The following MAGI2 variants were observed in gnomAD, a reference collection of about 807,000 sequenced individuals.
The protein encoded by MAGI2 is membrane associated guanylate kinase, WW and PDZ domain containing 2, also known as membrane-associated guanylate kinase, WW and PDZ domain-containing protein 2.
MAGI2 carries 35 observed loss-of-function variants against 133.3 expected under a neutral mutation model. The ratio of observed to expected loss-of-function variants is 0.26; its 90% CI spans 0.20 to 0.35. The LOEUF is 0.35. Ranked by LOEUF, MAGI2 falls within the 10% of genes least tolerant of loss-of-function variation. MAGI2 has a pLI of 1.00. For synonymous variants in MAGI2, 729 were observed against 710.6 expected (o/e 1.03, Z -0.41); for missense variants, 1,636 against 1,863.4 (o/e 0.88, Z 2.25).
At chr7:78,118,164 C>T (rs1027066059) in intron 20 of MAGI2, among the ~76,000 whole-genome samples, 3 of 152,064 alleles carry the variant, frequency 2.0e-5, no homozygotes, top group African/African-American at 7.2e-5. Context: ...AAAAATGAGT[C>T]GAGACACAGA....
At chr7:78,548,095 G>A (rs188387127) in intron 3 of MAGI2, among the ~76,000 whole-genome samples, 1 of 150,738 alleles carries the variant, frequency 6.6e-6, no homozygotes, top group Admixed American at 6.6e-5. Context: ...TGCCTTCAGA[G>A]TTAGAAAGAG....
In MAGI2 at chr7:78,127,315, G is replaced by A; in HGVS notation, c.3305C>T (p.Pro1102Leu). Residue 1102 changes from proline to leucine, a missense_variant, in exon 19 of 22, where the codon CCA (proline) becomes CTA (leucine). Coordinates refer to ENST00000354212, the MANE Select transcript of MAGI2 (RefSeq NM_012301.4). Reference protein sequence around the residue: ...RQPPLDYRQPPGGDYQQPPPL... With the variant: ...RQPPLDYRQPLGGDYQQPPPL... ...TGGGGGCTGCTGGTAGTCCCCTCCT[G>A]GGGGTTGCCTGTAATCCAGCGGGGG... 4 of 1,611,778 alleles carry A rather than the reference G, an allele frequency of 2.5e-6. No individual in the cohort carries two copies. Among genetic ancestry groups the A allele is most frequent in the Non-Finnish European group, 3.4e-6 (4 of 1,179,412 alleles).
intron 18 of MAGI2, among the ~76,000 whole-genome samples, chr7:78,132,171 G>A (rs1304174742): frequency 6.6e-6 from 1 of 152,174 alleles, no homozygotes; most frequent in Admixed American, 6.5e-5. Flanking sequence ...CACCACACTG[G>A]CTGCTAATAT....
At chr7:79,380,766 G>T (rs1843719553) in intron 1 of MAGI2, among the ~76,000 whole-genome samples, 1 of 151,730 alleles carries the variant, frequency 6.6e-6, no homozygotes, top group Non-Finnish European at 1.5e-5. Context: ...GCAGAACTCA[G>T]AAACTCAGAT....
intron 1 of MAGI2, among the ~76,000 whole-genome samples, chr7:79,106,581 T>C (rs1818470656): frequency 6.6e-6 from 1 of 152,150 alleles, no homozygotes; most frequent in South Asian, 2.1e-4. Context: ...TGGAAACAAT[T>C]CCTACTAAGA....
intron 1 of MAGI2, among the ~76,000 whole-genome samples, chr7:79,138,422 T>A (rs1023757944): frequency 6.6e-6 from 1 of 152,208 alleles, no homozygotes; most frequent in Non-Finnish European, 1.5e-5. Context: ...TAAGTCCAAG[T>A]AAAATTGAGA....
intron 1 of MAGI2, among the ~76,000 whole-genome samples, chr7:79,181,744 T>A (rs1562969227): frequency 6.6e-6 from 1 of 152,006 alleles, no homozygotes; most frequent in Non-Finnish European, 1.5e-5. Flanking sequence ...TTCCAAACTT[T>A]ATGTCCTGTT....
Position 78,282,425 on chromosome 7 carries a change from G to A in MAGI2, c.1409-25844C>T, listed in dbSNP as rs147533888. Among the ~76,000 whole-genome samples, 29 of 152,218 alleles carry A rather than the reference G, an allele frequency of 1.9e-4. 1 individual carries two copies. Among genetic ancestry groups the A allele is most frequent in the East Asian group, 1.7e-3 (9 of 5,188 alleles). On this transcript the variant is annotated intron_variant, in intron 9 of 21. Coordinates refer to ENST00000354212, the MANE Select transcript of MAGI2 (RefSeq NM_012301.4). The stretch of plus-strand genomic sequence containing the variant: ...ATAAAGTTTTATTGGGACAGCCAAC[G>A]TCATGTTTTTACATATTGCCTGTGA...
At chr7:78,531,912 T>G (rs1489058608) in intron 3 of MAGI2, among the ~76,000 whole-genome samples, 1 of 152,200 alleles carries the variant, frequency 6.6e-6, no homozygotes, top group African/African-American at 2.4e-5. Flanking sequence ...TAAAGGAATT[T>G]GCCAAATATC....
At chr7:78,275,430 C>G (rs1202477764) in intron 9 of MAGI2, among the ~76,000 whole-genome samples, 1 of 152,212 alleles carries the variant, frequency 6.6e-6, no homozygotes, top group East Asian at 1.9e-4. Flanking sequence ...CTTGACATAA[C>G]AGTCTTGTTT....
At position 78,747,641 on chromosome 7, in the gene MAGI2, A is replaced by T. The variant is rs1823051459; in HGVS notation, c.419-120402T>A. Among the ~76,000 whole-genome samples, 3 of 152,296 alleles carry T rather than the reference A, an allele frequency of 2.0e-5. No individual in the cohort carries two copies. The South Asian group carries it at 6.2e-4, about 32-fold the overall frequency. ...AGGGAGAGTAGTCCACTCTCCTAGGAGCTGCTCAACTAACGCAGAATCTCT... is the reference window on the plus strand; with the variant it reads ...AGGGAGAGTAGTCCACTCTCCTAGGTGCTGCTCAACTAACGCAGAATCTCT... On this transcript the variant is annotated intron_variant, in intron 2 of 21. Coordinates refer to ENST00000354212, the MANE Select transcript of MAGI2 (RefSeq NM_012301.4).
chr7:79,424,360 T>C (rs10248625), intron 1 of MAGI2, among the ~76,000 whole-genome samples: 37,312 of 151,804 alleles, frequency 0.25, 6,644 homozygotes, highest in African/African-American at 0.5. Context: ...TCTAAAAAAG[T>C]TATTTTCATA....
At chr7:78,750,712 A>C (rs1476906300) in intron 2 of MAGI2, among the ~76,000 whole-genome samples, 2 of 152,108 alleles carry the variant, frequency 1.3e-5, no homozygotes, top group Non-Finnish European at 2.9e-5. Flanking sequence ...AAATCATAGG[A>C]ATGTTGGGAG....
At chr7:79,115,708 T>A (rs77614076) in intron 1 of MAGI2, among the ~76,000 whole-genome samples, 1 of 151,864 alleles carries the variant, frequency 6.6e-6, no homozygotes, top group East Asian at 1.9e-4. Flanking sequence ...TCCTAATAGA[T>A]TTTTTTTAAT....
At chr7:78,917,230 T>C (rs1344478109) in intron 2 of MAGI2, among the ~76,000 whole-genome samples, 1 of 151,818 alleles carries the variant, frequency 6.6e-6, no homozygotes, top group Admixed American at 6.6e-5. Context: ...TAAATGAAAC[T>C]GAAAAAGGAA....
chr7:79,168,907 T>TATATATATAG (rs1562958587), intron 1 of MAGI2, among the ~76,000 whole-genome samples: 2 of 10,218 alleles, frequency 2.0e-4, no homozygotes, highest in African/African-American at 3.2e-4. Context: ...TATATATATA[T>TATATATATAG]ATATATATAT....
At chr7:78,452,281 G>C (rs1040839505) in intron 6 of MAGI2, among the ~76,000 whole-genome samples, 1 of 151,880 alleles carries the variant, frequency 6.6e-6, no homozygotes, top group Non-Finnish European at 1.5e-5. Context: ...TGACCCCAAA[G>C]CCCATACTTC....
At chr7:79,315,031 T>A (rs1390710248) in intron 1 of MAGI2, among the ~76,000 whole-genome samples, 3 of 152,218 alleles carry the variant, frequency 2.0e-5, no homozygotes, top group Admixed American at 2.0e-4. Flanking sequence ...TTAGGCTGGT[T>A]TGAGCTGGAT....
At chr7:78,718,782 AC>A (rs1819972955) in intron 2 of MAGI2, among the ~76,000 whole-genome samples, 1 of 151,780 alleles carries the variant, frequency 6.6e-6, no homozygotes, top group African/African-American at 2.4e-5. Context: ...CGCACCCCCA[AC>A]CCCTGTCCGT....
Sources: gnomAD v4.1 joint callset for allele counts (sites outside exome capture counted in the v4.1 genomes callset) on GRCh38, gnomAD v4.1.1 for gene constraint, MANE v1.5 for transcripts, NCBI Gene and HGNC (gene_info 2026-07-23, HGNC 2026-07-21) for gene names.